The following GAB2 variants were observed in gnomAD, a reference collection of about 807,000 sequenced individuals.
GAB2 encodes the protein GRB2 associated binding protein 2.
In GAB2, 26 loss-of-function variants were observed where a neutral mutation model predicts 65.5. The ratio of observed to expected loss-of-function variants is 0.40; its 90% CI spans 0.29 to 0.55. The LOEUF is 0.55. Among genes scored for constraint, GAB2 ranks in the 20% least tolerant of loss-of-function variants. The pLI is 0.53. For synonymous variants in GAB2, 321 were observed against 329.6 expected (o/e 0.97, Z 0.28); for missense variants, 884 against 875.8 (o/e 1.01, Z -0.12).
chr11:78,271,413 A>T (rs1450917420), intron 2 of GAB2, among the ~76,000 whole-genome samples: 1 of 152,234 alleles, frequency 6.6e-6, no homozygotes, highest in Non-Finnish European at 1.5e-5. Context: ...TTCCTTCTAG[A>T]ACATCATTCC....
At chr11:78,239,753 A>G (rs1164825462) in intron 3 of GAB2, among the ~76,000 whole-genome samples, 1 of 152,120 alleles carries the variant, frequency 6.6e-6, no homozygotes, top group Non-Finnish European at 1.5e-5. Context: ...TGGACATCTC[A>G]GGCCTCACCA....
intron 1 of GAB2, among the ~76,000 whole-genome samples, chr11:78,411,914 C>T (rs1332670056): frequency 6.6e-6 from 1 of 152,012 alleles, no homozygotes; most frequent in Non-Finnish European, 1.5e-5. Context: ...CCTGTAGTCC[C>T]AGCTACTCAG....
intron 1 of GAB2, among the ~76,000 whole-genome samples, chr11:78,289,447 T>C (rs1866588512): frequency 6.6e-6 from 1 of 152,146 alleles, no homozygotes; most frequent in Admixed American, 6.5e-5. Flanking sequence ...TAAGGTACAT[T>C]TCATGAGAAA....
At chr11:78,365,880 C>T (rs908545414) in intron 1 of GAB2, among the ~76,000 whole-genome samples, 4 of 152,194 alleles carry the variant, frequency 2.6e-5, no homozygotes, top group South Asian at 2.1e-4. Flanking sequence ...AATTCTATCC[C>T]GCTCTATGGA....
chr11:78,220,361 C>A lies in GAB2; in HGVS notation c.1845G>T (p.Leu615=). ...GGGAGCTCGGCTGGAAGTCCAGGGC[C>A]AGATAATCAACGCTGCCGGTGCTCT... The part of the protein sequence containing the change: ...PKKSTGSVDY[L]ALDFQPSSPS... Residue 615 remains leucine, a synonymous_variant, in exon 9 of 10, where the codon CTG becomes CTT. Transcript: ENST00000361507. 1 of 1,613,054 alleles carries A rather than the reference C, an allele frequency of 6.2e-7. No individual in the cohort carries two copies.
intron 2 of GAB2, among the ~76,000 whole-genome samples, chr11:78,261,539 A>T (rs978873188): frequency 1.9e-4 from 29 of 152,294 alleles, no homozygotes; most frequent in African/African-American, 7.0e-4. Context: ...GATTTGCAAG[A>T]GGTCAGGTTA....
At chr11:78,223,148 T>C (rs901063980) in intron 6 of GAB2, among the ~76,000 whole-genome samples, 4 of 152,310 alleles carry the variant, frequency 2.6e-5, no homozygotes, top group Middle Eastern at 6.8e-3. Flanking sequence ...GGACCTTGCC[T>C]GGTCTACATG....
intron 3 of GAB2, among the ~76,000 whole-genome samples, chr11:78,228,243 G>C (rs1864745636): frequency 6.6e-6 from 1 of 152,200 alleles, no homozygotes; most frequent in South Asian, 2.1e-4. Context: ...AAGTGCTTTG[G>C]GAAATTGGAG....
intron 3 of GAB2, among the ~76,000 whole-genome samples, chr11:78,239,350 A>G (rs190578024): frequency 3.9e-5 from 6 of 152,202 alleles, no homozygotes; most frequent in African/African-American, 1.4e-4. Flanking sequence ...CCTCCCGAGT[A>G]GCTGGGATTA....
chr11:78,223,396 G>T lies in GAB2; in HGVS notation c.1567+16C>A. 3 of 1,505,470 alleles carry T rather than the reference G, an allele frequency of 2.0e-6. No individual in the cohort carries two copies. Among genetic ancestry groups the T allele is most frequent in the Non-Finnish European group, 1.8e-6 (2 of 1,125,238 alleles). 93.3% of individuals were successfully genotyped at this position (1,505,470 alleles called of 1,614,324 possible). A position where few individuals can be genotyped will look rare whatever the true frequency, so the allele number is the denominator to read the frequency against. On this transcript the variant is annotated intron_variant, in intron 6 of 9. Transcript: ENST00000361507. ...GCCACTGTCCAGAGATGGGACAGGGGAAAGAATGGACTTACCTTTCCGATC... is the reference window on the plus strand; with the variant it reads ...GCCACTGTCCAGAGATGGGACAGGGTAAAGAATGGACTTACCTTTCCGATC...
chr11:78,309,687 G>T (rs1855447111), intron 1 of GAB2, among the ~76,000 whole-genome samples: 1 of 151,934 alleles, frequency 6.6e-6, no homozygotes, highest in Non-Finnish European at 1.5e-5. Flanking sequence ...ATATTCAACT[G>T]GTCTCAGCAG....
intron 2 of GAB2, among the ~76,000 whole-genome samples, chr11:78,260,364 G>A (rs1865695541): frequency 6.6e-6 from 1 of 152,218 alleles, no homozygotes; most frequent in Non-Finnish European, 1.5e-5. Flanking sequence ...TAGTGACACA[G>A]CACAGTTCCT....
chr11:78,282,573 T>C (rs1866365627), intron 1 of GAB2, among the ~76,000 whole-genome samples: 1 of 152,116 alleles, frequency 6.6e-6, no homozygotes, highest in Non-Finnish European at 1.5e-5. Flanking sequence ...CCTCCCAAAG[T>C]GCTGGGATTA....
chr11:78,396,428 C>T (rs1031398745), intron 1 of GAB2, among the ~76,000 whole-genome samples: 1 of 152,152 alleles, frequency 6.6e-6, no homozygotes, highest in Non-Finnish European at 1.5e-5. Flanking sequence ...AACATGTTTA[C>T]ACCTCACAGT....
At chr11:78,258,704 TCTCCCACTTTGGC>T (rs1388378074) in intron 2 of GAB2, among the ~76,000 whole-genome samples, 3 of 151,954 alleles carry the variant, frequency 2.0e-5, no homozygotes, top group African/African-American at 7.3e-5. Flanking sequence ...CTCAGGTGAT[TCTCCCACTTTGGC>T]CTCCCAAAGT....
intron 1 of GAB2, among the ~76,000 whole-genome samples, chr11:78,402,341 T>C (rs1856984129): frequency 6.6e-6 from 1 of 152,198 alleles, no homozygotes; most frequent in South Asian, 2.1e-4. Flanking sequence ...TTCTTTGCAG[T>C]CCCAGAACTT....
At chr11:78,289,302 C>A (rs1866582524) in intron 1 of GAB2, among the ~76,000 whole-genome samples, 1 of 152,144 alleles carries the variant, frequency 6.6e-6, no homozygotes, top group Non-Finnish European at 1.5e-5. Flanking sequence ...AGCAATCAAG[C>A]ATCCATAGGG....
chr11:78,298,784 G>A (rs550379678), intron 1 of GAB2, among the ~76,000 whole-genome samples: 1 of 152,316 alleles, frequency 6.6e-6, no homozygotes, highest in African/African-American at 2.4e-5. Context: ...GCTGGGGGAA[G>A]AGTAGACAAA....
chr11:78,244,850 G>C (rs947597012), intron 3 of GAB2, among the ~76,000 whole-genome samples: 1 of 152,134 alleles, frequency 6.6e-6, no homozygotes, highest in Non-Finnish European at 1.5e-5. Flanking sequence ...ATGTAAATTA[G>C]TACAGTCGTT....
Sources: gnomAD v4.1 joint callset for allele counts (sites outside exome capture counted in the v4.1 genomes callset) on GRCh38, gnomAD v4.1.1 for gene constraint, MANE v1.5 for transcripts, NCBI Gene and HGNC (gene_info 2026-07-23, HGNC 2026-07-21) for gene names.